Variants in CSMD3 observed in about 807,000 individuals in gnomAD.
CSMD3 encodes CUB and sushi domain-containing protein 3.
A neutral mutation model predicts 435.2 loss-of-function variants in CSMD3; 177 were observed. The observed-to-expected ratio is 0.41, with a 90% CI of 0.36 to 0.46. The LOEUF (loss-of-function observed/expected upper bound fraction) is 0.46, where lower values mean the gene tolerates loss of function less well. CSMD3 is among the 20% of genes least tolerant of loss of function. CSMD3 has a pLI of 0.34. For missense variants in CSMD3, 4,265 were observed against 4,504.6 expected, an observed-to-expected ratio of 0.95 and a Z score of 1.52; for synonymous variants, 1,656 against 1,520.5, an observed-to-expected ratio of 1.09 and a Z score of -2.07.
intron 38 of CSMD3, among the ~76,000 whole-genome samples, chr8:112,375,424 G>T (rs1191777838): frequency 6.6e-6 from 1 of 151,928 alleles, no homozygotes; most frequent in African/African-American, 2.4e-5. Flanking sequence ...CAAAGATGTT[G>T]GTTTCCAAGA....
intron 10 of CSMD3, among the ~76,000 whole-genome samples, chr8:112,862,337 T>G (rs2080849901): frequency 6.6e-6 from 1 of 152,028 alleles, no homozygotes; most frequent in African/African-American, 2.4e-5. Flanking sequence ...AGTCTGAAGA[T>G]TTTTTTGCAT....
At chr8:112,378,260 T>TA (rs915953703) in intron 38 of CSMD3, among the ~76,000 whole-genome samples, 7 of 145,602 alleles carry the variant, frequency 4.8e-5, no homozygotes, top group Admixed American at 3.4e-4. Context: ...GAGGTTTCAT[T>TA]AAAAAAAAGA....
intron 11 of CSMD3, among the ~76,000 whole-genome samples, chr8:112,833,238 T>A (rs969144646): frequency 6.6e-6 from 1 of 152,074 alleles, no homozygotes; most frequent in African/African-American, 2.4e-5. Context: ...TGTAACTGAT[T>A]TGGTGAGAAC....
intron 27 of CSMD3, among the ~76,000 whole-genome samples, chr8:112,536,359 A>T (rs1826079587): frequency 6.6e-6 from 1 of 152,200 alleles, no homozygotes; most frequent in Admixed American, 6.5e-5. Context: ...AAAGTGGGCA[A>T]AGGACATGAG....
At chr8:112,972,831 A>G (rs1012963361) in intron 7 of CSMD3, among the ~76,000 whole-genome samples, 224 of 152,086 alleles carry the variant, frequency 1.5e-3, no homozygotes, top group African/African-American at 5.3e-3. Flanking sequence ...CAGAGAGCTT[A>G]AATTTTACAG....
At chr8:112,838,974 AAAT>A (rs1440027608) in intron 11 of CSMD3, among the ~76,000 whole-genome samples, 1 of 151,802 alleles carries the variant, frequency 6.6e-6, no homozygotes. Flanking sequence ...ATTTTAGAGA[AAAT>A]AATAAATATC....
At chr8:113,427,721 T>A (rs768852001) in intron 1 of CSMD3, among the ~76,000 whole-genome samples, 10 of 151,670 alleles carry the variant, frequency 6.6e-5, no homozygotes, top group Non-Finnish European at 1.5e-4. Context: ...TTGAAAAATA[T>A]GTATTTGCCC....
Position 112,383,677 on chromosome 8 carries a change from AT to A in CSMD3, c.5935-15del, listed in dbSNP as rs2131255928. ...AACAACTTGCACCTGTGAAATAATA[AT>A]TACAGGTAAGAATACACATTTCTAA... is the stretch of plus-strand genomic sequence containing the variant. On this transcript the variant is annotated splice_polypyrimidine_tract_variant and intron_variant, in intron 36 of 70. Transcript: ENST00000297405. 1 of 1,452,924 alleles carries A rather than the reference AT, an allele frequency of 6.9e-7. No homozygotes were observed. The highest frequency in any genetic ancestry group is 9.7e-7 in the Non-Finnish European group (1 of 1,033,188). The allele number at this position is 1,452,924 out of a possible 1,614,324, so 90.0% of individuals were successfully genotyped here.
intron 4 of CSMD3, among the ~76,000 whole-genome samples, chr8:113,120,540 C>A (rs774123731): frequency 6.6e-6 from 1 of 152,068 alleles, no homozygotes; most frequent in Non-Finnish European, 1.5e-5. Flanking sequence ...AAGTAAGCAG[C>A]GTTTTATGTA....
intron 31 of CSMD3, among the ~76,000 whole-genome samples, chr8:112,491,220 T>A (rs1820654941): frequency 1.3e-5 from 2 of 152,222 alleles, no homozygotes; most frequent in Admixed American, 6.5e-5. Flanking sequence ...TTATTTTCAC[T>A]GAAATTAATA....
chr8:112,979,528 G>A (rs981116789), intron 6 of CSMD3, among the ~76,000 whole-genome samples: 8 of 151,374 alleles, frequency 5.3e-5, no homozygotes, highest in African/African-American at 1.9e-4. Context: ...ATTTTATTAA[G>A]TAATTGCCAA....
At chr8:112,922,239 T>C (rs938129700) in intron 9 of CSMD3, among the ~76,000 whole-genome samples, 1 of 152,000 alleles carries the variant, frequency 6.6e-6, no homozygotes, top group African/African-American at 2.4e-5. Context: ...TAAATTTTTG[T>C]GGGTATATAG....
chr8:112,613,209 T>C (rs557672621), intron 22 of CSMD3, among the ~76,000 whole-genome samples: 44 of 152,264 alleles, frequency 2.9e-4, no homozygotes, highest in Non-Finnish European at 5.1e-4. Context: ...CCTTTATCCA[T>C]GTTTGCTATT....
At chr8:112,983,453 T>C (rs770140501) in intron 6 of CSMD3, among the ~76,000 whole-genome samples, 57 of 151,524 alleles carry the variant, frequency 3.8e-4, no homozygotes, top group South Asian at 8.3e-4. Flanking sequence ...CACATCTTTC[T>C]CTCTGTGTAC....
intron 3 of CSMD3, among the ~76,000 whole-genome samples, chr8:113,240,730 T>A (rs1005931389): frequency 1.3e-5 from 2 of 152,158 alleles, no homozygotes; most frequent in Non-Finnish European, 2.9e-5. Flanking sequence ...TATTGCAACA[T>A]GAACAGGTAA....
intron 1 of CSMD3, among the ~76,000 whole-genome samples, chr8:113,362,485 A>T (rs2094283834): frequency 3.3e-5 from 5 of 152,208 alleles, no homozygotes; most frequent in African/African-American, 9.7e-5. Flanking sequence ...TTTCTCCTTA[A>T]CTAGAAAGTC....
At chr8:113,059,935 A>G (rs1328744463) in intron 5 of CSMD3, among the ~76,000 whole-genome samples, 1 of 152,160 alleles carries the variant, frequency 6.6e-6, no homozygotes, top group African/African-American at 2.4e-5. Flanking sequence ...ATTAATTAGA[A>G]GCAATTAACC....
chr8:113,196,894 A>C (rs2092662411), intron 3 of CSMD3, among the ~76,000 whole-genome samples: 1 of 151,196 alleles, frequency 6.6e-6, no homozygotes, highest in African/African-American at 2.4e-5. Context: ...CTTGTAGTAA[A>C]GTGATTTTAA....
intron 31 of CSMD3, among the ~76,000 whole-genome samples, chr8:112,473,423 T>C (rs1449987508): frequency 6.6e-6 from 1 of 152,082 alleles, no homozygotes; most frequent in East Asian, 1.9e-4. Flanking sequence ...ATACGGATGG[T>C]AACTGGTATT....
Sources: allele counts gnomAD v4.1 joint callset (sites outside exome capture counted in the v4.1 genomes callset), GRCh38; gene constraint gnomAD v4.1.1; transcripts MANE v1.5; gene names NCBI Gene and HGNC (gene_info 2026-07-23, HGNC 2026-07-21).